The following RB1CC1 variants were observed in gnomAD, a reference collection of about 807,000 sequenced individuals.
RB1CC1 encodes the protein RB1 inducible coiled-coil 1, also known as RB1-inducible coiled-coil protein 1.
In RB1CC1, 46 loss-of-function variants were observed where a neutral mutation model predicts 177.5. The observed-to-expected ratio is 0.26, with a 90% confidence interval of 0.20 to 0.33. The LOEUF (loss-of-function observed/expected upper bound fraction) is 0.33, where lower values mean the gene tolerates loss of function less well. RB1CC1 is among the 10% of genes least tolerant of loss of function. The probability of loss-of-function intolerance (pLI) is 1.00; values close to 1 mark genes in which losing one functional copy is unlikely to be tolerated. For synonymous variants in RB1CC1, 666 were observed against 613.6 expected (o/e 1.09, Z -1.26); for missense variants, 1,703 against 1,816.3 (o/e 0.94, Z 1.13).
chr8:52,690,403 A>G (rs1854729979), intron 1 of RB1CC1, among the ~76,000 whole-genome samples: 1 of 152,216 alleles, frequency 6.6e-6, no homozygotes, highest in Admixed American at 6.5e-5. Context: ...CTTTGTCCTC[A>G]TGGAGTTCAG....
At chr8:52,699,743 C>T (rs527448574) in intron 1 of RB1CC1, among the ~76,000 whole-genome samples, 5 of 132,816 alleles carry the variant, frequency 3.8e-5, no homozygotes, top group East Asian at 2.4e-4. Context: ...CACTTGAACC[C>T]GGGAGGCAGA....
At chr8:52,650,610 T>C (rs1850481283) in intron 15 of RB1CC1, among the ~76,000 whole-genome samples, 1 of 152,092 alleles carries the variant, frequency 6.6e-6, no homozygotes, top group Admixed American at 6.6e-5. Context: ...GGTTGTTTTA[T>C]AAGCTCAATC....
At position 52,642,684 on chromosome 8, in the gene RB1CC1, T is replaced by A. The variant is rs749010661; in HGVS notation, c.4096+20A>T. 3 of 1,570,070 alleles carry A rather than the reference T, an allele frequency of 1.9e-6. No individual in the cohort carries two copies. The highest frequency in any genetic ancestry group is 1.2e-5 in the South Asian group (1 of 82,572). ...TTCCACTTTAAAAAATTAAAAAAAA[T>A]AGTACAAAACAGTACAAACCTTTAT... On this transcript the variant is annotated intron_variant, in intron 17 of 23. Transcript: ENST00000025008.
chr8:52,648,057 T>A (rs1486094228), intron 15 of RB1CC1, among the ~76,000 whole-genome samples: 1 of 152,122 alleles, frequency 6.6e-6, no homozygotes, highest in Non-Finnish European at 1.5e-5. Context: ...GGGTCAGTGC[T>A]GTGCTGAGAT....
intron 15 of RB1CC1, among the ~76,000 whole-genome samples, chr8:52,646,715 G>C (rs1196211840): frequency 6.6e-6 from 1 of 152,200 alleles, no homozygotes; most frequent in Non-Finnish European, 1.5e-5. Context: ...CTGACAAAGT[G>C]CTAGAGATGA....
Position 52,687,462 on chromosome 8 carries a change from T to C in RB1CC1, c.-166-495A>G, listed in dbSNP as rs191405917. 4.6e-5 allele frequency among the ~76,000 whole-genome samples: 7 copies of C among 152,322 alleles called. No homozygotes were observed. The East Asian group carries it at 9.7e-4, about 21-fold the overall frequency. ...GTAGGCAGGGCCTGTGATCTGTTTC[T>C]AACCAAAAAAATATTGCAAAAATGA... is the stretch of plus-strand genomic sequence containing the variant. On this transcript the variant is annotated intron_variant, in intron 1 of 23. Transcript: ENST00000025008.
chr8:52,698,095 G>A (rs1198645111), intron 1 of RB1CC1, among the ~76,000 whole-genome samples: 1 of 151,986 alleles, frequency 6.6e-6, no homozygotes, highest in Non-Finnish European at 1.5e-5. Flanking sequence ...CATTTTTTAA[G>A]ACAAGATCTC....
At chr8:52,698,175 C>T (rs1855620337) in intron 1 of RB1CC1, among the ~76,000 whole-genome samples, 1 of 152,128 alleles carries the variant, frequency 6.6e-6, no homozygotes, top group Non-Finnish European at 1.5e-5. Flanking sequence ...CTCCCCGGCT[C>T]AAGCAATCCT....
chr8:52,660,850 T>C, intron 11 of RB1CC1, 76 bp downstream of exon 11: 1 of 1,287,966 alleles, frequency 7.8e-7, no homozygotes. Flanking sequence ...ATACATGAAG[T>C]ATGCTACAGA....
chr8:52,668,110 T>C lies in RB1CC1; in HGVS notation c.1084A>G (p.Ile362Val), dbSNP rs1438592021. ...TAGAGCCGATCTTCAAGTCCTTTAATGGCTTTCATATTCTGATTATCAAGT... is the reference window on the plus strand; with the variant it reads ...TAGAGCCGATCTTCAAGTCCTTTAACGGCTTTCATATTCTGATTATCAAGT... ...AKLDNQNMKAIKGLEDRLYAL... is the reference protein window; with the variant it reads ...AKLDNQNMKAVKGLEDRLYAL... Residue 362 changes from isoleucine to valine, a missense_variant, in exon 8 of 24, where the codon ATT becomes GTT. By Grantham distance (29) the Ile-to-Val change is conservative. Coordinates refer to ENST00000025008, the MANE Select transcript of RB1CC1 (RefSeq NM_014781.5). The C allele has an allele frequency of 1.2e-6, 2 of 1,614,196 alleles. No individual in the cohort carries two copies. Among genetic ancestry groups the C allele is most frequent in the South Asian group, 1.1e-5 (1 of 91,084 alleles).
At chr8:52,682,122 A>T (rs574083589) in intron 5 of RB1CC1, among the ~76,000 whole-genome samples, 2 of 152,330 alleles carry the variant, frequency 1.3e-5, no homozygotes, top group East Asian at 3.9e-4. Flanking sequence ...GCAAAGCCAC[A>T]GGGACAGAGC....
chr8:52,627,181 T>A (rs569361241), intron 22 of RB1CC1, among the ~76,000 whole-genome samples: 3 of 152,122 alleles, frequency 2.0e-5, no homozygotes, highest in Admixed American at 2.0e-4. Flanking sequence ...AACCCGCCTC[T>A]ACTAAAAATA....
intron 5 of RB1CC1, 48 bp downstream of exon 5, chr8:52,683,501 C>T (rs188322776): frequency 3.4e-6 from 5 of 1,463,908 alleles, no homozygotes; most frequent in South Asian, 3.0e-5. Context: ...CTATTTAGAT[C>T]CGAATGCTTT....
At chr8:52,635,939 G>T in intron 19 of RB1CC1, 76 bp downstream of exon 19, 1 of 1,524,304 alleles carries the variant, frequency 6.6e-7, no homozygotes. Flanking sequence ...TCTATTGTAT[G>T]TTTCCAGAAT....
chr8:52,665,918 A>C (rs990791784), intron 8 of RB1CC1, among the ~76,000 whole-genome samples: 1 of 152,208 alleles, frequency 6.6e-6, no homozygotes, highest in African/African-American at 2.4e-5. Flanking sequence ...GAGCCAGCCA[A>C]GGGAAGGTAC....
At chr8:52,660,752 G>A in intron 11 of RB1CC1, 95 bp from the exon 12 acceptor site, 1 of 1,232,802 alleles carries the variant, frequency 8.1e-7, no homozygotes, top group South Asian at 1.4e-5. Flanking sequence ...AAAGTTGACA[G>A]TACTTCAAGT....
chr8:52,656,186 C>T lies in RB1CC1; in HGVS notation c.3643G>A (p.Asp1215Asn). 1 of 1,613,726 alleles carries T rather than the reference C, an allele frequency of 6.2e-7. No individual in the cohort carries two copies. The highest frequency in any genetic ancestry group is 8.5e-7 in the Non-Finnish European group (1 of 1,179,842). Residue 1215 changes from aspartate to asparagine, a missense_variant, in exon 15 of 24, where the codon GAC becomes AAC. Asp to Asn is a conservative substitution (Grantham distance 23, BLOSUM62 1). Transcript: ENST00000025008. ...YEAIIQNLEKDRQKLVSSQEQ... is the reference protein window; with the variant it reads ...YEAIIQNLEKNRQKLVSSQEQ... ...TGGCTGCTGACCAATTTTTGTCTGT[C>T]TTTCTCAAGGTTCTGGATAATAGCT...
chr8:52,674,660 C>A (rs186341744), intron 6 of RB1CC1, among the ~76,000 whole-genome samples: 3 of 151,674 alleles, frequency 2.0e-5, no homozygotes, highest in African/African-American at 7.3e-5. Context: ...CCCAGCTACT[C>A]AGGAGGCTGA....
Position 52,636,191 on chromosome 8 carries a change from A to G in RB1CC1, c.4338-122T>C, listed in dbSNP as rs1055613187. Reference sequence around the variant, plus strand: ...ATTTAAGGGTTTTCATAAATTTTCAAAAGTAGCTTATTTCAGTTAGCATGT... The same window carrying G: ...ATTTAAGGGTTTTCATAAATTTTCAGAAGTAGCTTATTTCAGTTAGCATGT... On this transcript the variant is annotated intron_variant, in intron 18 of 23. Transcript: ENST00000025008. 5.5e-6 allele frequency: 6 copies of G among 1,093,362 alleles called. No homozygotes were observed. In the Admixed American group the frequency reaches 1.6e-4, roughly 28 times the overall value. The allele number at this position is 1,093,362 out of a possible 1,614,324, so 67.7% of individuals were successfully genotyped here. A position where few individuals can be genotyped will look rare whatever the true frequency, so the allele number is the denominator to read the frequency against.
Sources: allele counts gnomAD v4.1 joint callset (sites outside exome capture counted in the v4.1 genomes callset), GRCh38; gene constraint gnomAD v4.1.1; transcripts MANE v1.5; gene names NCBI Gene and HGNC (gene_info 2026-07-23, HGNC 2026-07-21).